MYO16: variants seen among roughly 807,000 people sequenced by gnomAD.
MYO16 encodes the protein unconventional myosin-XVI.
Under a neutral mutation model 205.3 loss-of-function variants are expected in MYO16, and 94 were observed. That is an observed-to-expected ratio of 0.46 (90% CI 0.39 to 0.54). The LOEUF is 0.54. Ranked by LOEUF, MYO16 falls within the 20% of genes least tolerant of loss-of-function variation. The pLI is 0.00. For missense variants in MYO16, 2,315 were observed against 2,387.5 expected (o/e 0.97, Z 0.63); for synonymous variants, 988 against 954.0 (o/e 1.04, Z -0.66).
intron 2 of MYO16, among the ~76,000 whole-genome samples, chr13:108,705,980 C>G (rs1221185425): frequency 2.0e-5 from 3 of 152,114 alleles, no homozygotes; most frequent in African/African-American, 7.2e-5. Context: ...GCCTAACACA[C>G]TCTATATGAC....
intron 27 of MYO16, among the ~76,000 whole-genome samples, chr13:109,081,187 C>G (rs1888270635): frequency 6.6e-6 from 1 of 152,058 alleles, no homozygotes; most frequent in Admixed American, 6.6e-5. Flanking sequence ...TCATATGAAG[C>G]TACAGATATA....
At chr13:109,110,975 T>G (rs529391079) in intron 28 of MYO16, among the ~76,000 whole-genome samples, 3 of 152,002 alleles carry the variant, frequency 2.0e-5, no homozygotes, top group African/African-American at 7.2e-5. Flanking sequence ...AATGAATGAA[T>G]GAAGGTGAAT....
intron 22 of MYO16, among the ~76,000 whole-genome samples, chr13:109,013,122 C>CCCCG (rs1885673000): frequency 8.4e-6 from 1 of 118,376 alleles, no homozygotes; most frequent in Non-Finnish European, 1.8e-5. Context: ...CCACCCCCCC[C>CCCCG]CACCCCACCA....
chr13:108,817,713 G>A (rs1875705359), intron 7 of MYO16, among the ~76,000 whole-genome samples: 1 of 152,168 alleles, frequency 6.6e-6, no homozygotes. Context: ...TCAGTGTCCA[G>A]CACAACACAG....
At chr13:108,943,962 T>G (rs1280804111) in intron 16 of MYO16, among the ~76,000 whole-genome samples, 6 of 152,252 alleles carry the variant, frequency 3.9e-5, no homozygotes, top group Admixed American at 3.3e-4. Context: ...AGATGTCCTC[T>G]CTGAAAATGG....
chr13:108,623,570 C>G (rs1430614269), intron 1 of MYO16, among the ~76,000 whole-genome samples: 1 of 152,148 alleles, frequency 6.6e-6, no homozygotes, highest in Non-Finnish European at 1.5e-5. Flanking sequence ...GGGCTATACT[C>G]CACTTCATTT....
chr13:108,700,676 T>TG (rs1180241738), intron 2 of MYO16, among the ~76,000 whole-genome samples: 2 of 152,188 alleles, frequency 1.3e-5, no homozygotes, highest in East Asian at 3.9e-4. Context: ...ACCTTTTCCC[T>TG]GGGGCATTTG....
intron 12 of MYO16, among the ~76,000 whole-genome samples, chr13:108,882,180 T>C (rs1879648071): frequency 6.6e-6 from 1 of 152,210 alleles, no homozygotes; most frequent in African/African-American, 2.4e-5. Context: ...TAAACAAAGG[T>C]ATTCTCCTGT....
chr13:108,986,622 CAAAAAA>C (rs11350100), intron 20 of MYO16, among the ~76,000 whole-genome samples: 1 of 69,534 alleles, frequency 1.4e-5, no homozygotes, highest in Non-Finnish European at 2.7e-5. Flanking sequence ...AACTCCGTCT[CAAAAAA>C]AAAAAAAAAA....
intron 1 of MYO16, among the ~76,000 whole-genome samples, chr13:108,653,292 C>G (rs1881094018): frequency 6.6e-6 from 1 of 152,098 alleles, no homozygotes. Context: ...TATTAATCTC[C>G]TATTAGGTGT....
intron 7 of MYO16, among the ~76,000 whole-genome samples, chr13:108,812,602 A>G (rs2138997319): frequency 6.6e-6 from 1 of 152,322 alleles, no homozygotes; most frequent in South Asian, 2.1e-4. Flanking sequence ...GAAATCATGC[A>G]CAAATGAAAG....
In MYO16 at chr13:109,140,170, C is replaced by G. The variant is rs766218486; in HGVS notation, c.4052-94C>G. Reference sequence around the variant, plus strand: ...CCGGTCCCTTGGGATTCTCGGGGCACGGGGCCGTGGCTCCCTCCGAGTCGA... The same window carrying G: ...CCGGTCCCTTGGGATTCTCGGGGCAGGGGGCCGTGGCTCCCTCCGAGTCGA... On this transcript the variant is annotated intron_variant, in intron 31 of 34. Transcript: ENST00000457511. This position sits in a 1 kb window ranked among gnomAD's most constrained non-coding sequence, Gnocchi z 8.0. 3.3e-6 allele frequency: 5 copies of G among 1,526,414 alleles called. No homozygotes were observed. The highest frequency in any genetic ancestry group is 2.5e-5 in the South Asian group (2 of 80,738). 94.6% of individuals were successfully genotyped at this position (1,526,414 alleles called of 1,614,324 possible).
At chr13:108,582,173 G>T in the MYO16 span, among the ~76,000 whole-genome samples, 1 of 152,096 alleles carries the variant, frequency 6.6e-6, no homozygotes, top group African/African-American at 2.4e-5. Context: ...CATCATGTTT[G>T]TTTGATTTTT....
intron 31 of MYO16, among the ~76,000 whole-genome samples, chr13:109,128,651 A>C (rs903113026): frequency 6.6e-6 from 1 of 152,118 alleles, no homozygotes; most frequent in African/African-American, 2.4e-5. Context: ...GTCATGAACA[A>C]CATGTTGTTT....
intron 20 of MYO16, among the ~76,000 whole-genome samples, chr13:108,992,021 G>A (rs1884851706): frequency 6.6e-6 from 1 of 152,092 alleles, no homozygotes; most frequent in Non-Finnish European, 1.5e-5. Flanking sequence ...ATTATTAAAA[G>A]ACACTATCAA....
intron 23 of MYO16, among the ~76,000 whole-genome samples, chr13:109,028,235 A>G (rs973979883): frequency 5.4e-5 from 8 of 147,654 alleles, no homozygotes; most frequent in African/African-American, 2.0e-4. Flanking sequence ...TAAATTAAAT[A>G]TATAAACATA....
At chr13:108,866,301 A>G (rs1423790132) in intron 12 of MYO16, 59 bp downstream of exon 12, 23 of 1,060,484 alleles carry the variant, frequency 2.2e-5, no homozygotes, top group Non-Finnish European at 2.7e-5. Context: ...CTAGTCATAC[A>G]TGTTTGTATC....
At chr13:108,550,075 G>A in the MYO16 span, among the ~76,000 whole-genome samples, 2 of 152,242 alleles carry the variant, frequency 1.3e-5, no homozygotes, top group Non-Finnish European at 2.9e-5. Flanking sequence ...AACTGCCTTT[G>A]TGGACCCGTG....
At chr13:108,871,176 C>T (rs1879035663) in intron 12 of MYO16, among the ~76,000 whole-genome samples, 1 of 151,806 alleles carries the variant, frequency 6.6e-6, no homozygotes, top group Admixed American at 6.6e-5. Flanking sequence ...TTTTTCAATG[C>T]TAACATTTTT....
Sources: gnomAD v4.1 joint callset for allele counts (sites outside exome capture counted in the v4.1 genomes callset) on GRCh38, gnomAD v4.1.1 for gene constraint, Gnocchi (gnomAD v3.1) non-coding constraint, MANE v1.5 for transcripts, NCBI Gene and HGNC (gene_info 2026-07-23, HGNC 2026-07-21) for gene names.